The following ZNF667 variants were observed in gnomAD, a reference collection of about 807,000 sequenced individuals.
ZNF667 encodes myocardial ischemic preconditioning upregulated 1 ortholog.
In ZNF667, 13 loss-of-function variants were observed where a neutral mutation model predicts 31.8. That is an observed-to-expected ratio of 0.41 (90% CI 0.27 to 0.65). The LOEUF (loss-of-function observed/expected upper bound fraction) is 0.65. Ranked by LOEUF, ZNF667 falls within the 30% of genes least tolerant of loss-of-function variation. The pLI is 0.32. For synonymous variants in ZNF667, 228 were observed against 247.1 expected (o/e 0.92, Z 0.73); for missense variants, 642 against 725.6 (o/e 0.88, Z 1.32).
In ZNF667 at chr19:56,442,271, T is replaced by C; in HGVS notation, c.724A>G (p.Ile242Val). ...CCAACAACATGAATTTTCTGATGTA[T>C]ATTGAAAGACTGACATTGACTCAAG... ...KALSQCQSFN[I>V]HQKIHVVGNV... The change falls in exon 7 of 7, where the codon ATA becomes GTA. Residue 242 changes from isoleucine to valine, a missense_variant. By Grantham distance (29) the Ile-to-Val change is conservative. Transcript: ENST00000504904. 1.2e-6 allele frequency: 2 copies of C among 1,614,160 alleles called. No individual in the cohort carries two copies. The highest frequency in any genetic ancestry group is 8.5e-7 in the Non-Finnish European group (1 of 1,180,006).
intron 6 of ZNF667, chr19:56,444,099 T>A (rs778196795): frequency 9.6e-5 from 38 of 396,572 alleles, no homozygotes; most frequent in Admixed American, 1.8e-4. Context: ...ATATATTAGG[T>A]TAAATACATA....
chr19:56,458,313 C>G lies in ZNF667; in HGVS notation c.161-66G>C, dbSNP rs144363442. The G allele has an allele frequency of 2.7e-4, 381 of 1,408,694 alleles. 1 individual carries two copies. In the African/African-American group the frequency reaches 5.0e-3, roughly 18 times the overall value. The allele number at this position is 1,408,694 out of a possible 1,614,324, so 87.3% of individuals were successfully genotyped here. On this transcript the variant is annotated intron_variant, in intron 5 of 6. Coordinates refer to ENST00000504904, the MANE Select transcript of ZNF667 (RefSeq NM_001321356.2). ...GCACCACAGAAGTCAGAGCCACGCT[C>G]TGCATCAACAGGAATGCAGGTTTAG...
At chr19:56,449,394 G>A in intron 6 of ZNF667, 2 of 279,796 alleles carry the variant, frequency 7.1e-6, no homozygotes, top group Non-Finnish European at 1.5e-5. Flanking sequence ...TAGCTATCTT[G>A]GCCTGGCATG....
At chr19:56,453,076 T>C (rs1213555577) in intron 6 of ZNF667, among the ~76,000 whole-genome samples, 3 of 152,106 alleles carry the variant, frequency 2.0e-5, no homozygotes, top group Non-Finnish European at 4.4e-5. Flanking sequence ...CAAAGGATCA[T>C]TAGAGACTAC....
At position 56,442,398 on chromosome 19, in the gene ZNF667, G is replaced by C. The variant is rs779704135; in HGVS notation, c.597C>G (p.Ser199Arg). Residue 199 changes from serine (S) to arginine (R), a missense_variant, in exon 7 of 7, where the codon AGC (serine) becomes AGG (arginine). Physicochemically the swap from Ser to Arg is moderately radical, Grantham distance 110. Coordinates refer to ENST00000504904, the MANE Select transcript of ZNF667 (RefSeq NM_001321356.2). ...LHQRIHSGKK[S>R]HECNKCGESF... ...TTTCCCCACATTTATTGCATTCATG[G>C]CTTTTCTTTCCACTGTGAATTCTCT... is the stretch of plus-strand genomic sequence containing the variant. 5 of 1,614,068 alleles carry C rather than the reference G, an allele frequency of 3.1e-6. No homozygotes were observed. The South Asian group carries it at 5.5e-5, about 18-fold the overall frequency.
In ZNF667 at chr19:56,449,042, TACCAAAGACCACCAAGGC is replaced by T. The variant is rs564489004; in HGVS notation, c.254-6319_254-6302del. ...TAATCTAGGGAATTCTCCTGGATCT[TACCAAAGACCACCAAGGC>T]AGTACTTCTGTGAGTCTACAAGAGT... On this transcript the variant is annotated intron_variant, in intron 6 of 6. Transcript: ENST00000504904. Among the ~76,000 whole-genome samples the T allele has an allele frequency of 2.9e-3, 449 of 152,254 alleles. 1 individual carries two copies. Among genetic ancestry groups the T allele is most frequent in the Non-Finnish European group, 5.0e-3 (342 of 68,010 alleles).
intron 6 of ZNF667, among the ~76,000 whole-genome samples, chr19:56,445,978 A>G (rs558145492): frequency 1.4e-5 from 2 of 148,086 alleles, no homozygotes; most frequent in Non-Finnish European, 3.0e-5. Context: ...CCTCCCACAG[A>G]CCCCACCTCC....
At chr19:56,450,234 C>T (rs2042792129) in intron 6 of ZNF667, among the ~76,000 whole-genome samples, 1 of 151,998 alleles carries the variant, frequency 6.6e-6, no homozygotes, top group Non-Finnish European at 1.5e-5. Context: ...AGAAAAGAAA[C>T]AACATAAAAC....
chr19:56,467,360 G>A (rs2043185517), intron 3 of ZNF667, among the ~76,000 whole-genome samples: 1 of 152,160 alleles, frequency 6.6e-6, no homozygotes, highest in Non-Finnish European at 1.5e-5. Context: ...GATCTTGGGG[G>A]CGGGGGAAAT....
intron 4 of ZNF667, among the ~76,000 whole-genome samples, chr19:56,461,602 C>A (rs1007982388): frequency 1.3e-5 from 2 of 152,180 alleles, no homozygotes; most frequent in African/African-American, 4.8e-5. Context: ...ACGCCAACCA[C>A]AAAACTGCAT....
At chr19:56,460,841 T>A in intron 4 of ZNF667, 26 bp from the exon 5 acceptor site, 1 of 1,568,060 alleles carries the variant, frequency 6.4e-7, no homozygotes, top group Non-Finnish European at 8.6e-7. Flanking sequence ...AAATGTCTAT[T>A]CACCATGGAC....
chr19:56,456,463 A>G (rs1193850528), intron 6 of ZNF667, among the ~76,000 whole-genome samples: 3 of 152,278 alleles, frequency 2.0e-5, no homozygotes, highest in Admixed American at 6.5e-5. Context: ...AAATTTCACA[A>G]TTGTGAGACC....
At chr19:56,458,052 G>T in intron 6 of ZNF667, 103 bp downstream of exon 6, 1 of 1,038,790 alleles carries the variant, frequency 9.6e-7, no homozygotes, top group Non-Finnish European at 1.5e-6. Context: ...CTCCAGAACT[G>T]TGAGAAGTAG....
chr19:56,444,232 C>T, intron 6 of ZNF667: 1 of 398,518 alleles, frequency 2.5e-6, no homozygotes, highest in Non-Finnish European at 4.4e-6. Context: ...GTAGGCTGTA[C>T]AAGCATGGTG....
chr19:56,450,374 T>A (rs745309609), intron 6 of ZNF667, among the ~76,000 whole-genome samples: 2 of 152,056 alleles, frequency 1.3e-5, no homozygotes, highest in African/African-American at 2.4e-5. Flanking sequence ...CCAGTGAAAA[T>A]GCCCTTCAAA....
intron 5 of ZNF667, 94 bp downstream of exon 5, chr19:56,460,595 A>G (rs1345469137): frequency 2.1e-6 from 3 of 1,397,080 alleles, no homozygotes; most frequent in Non-Finnish European, 2.9e-6. Flanking sequence ...TTTAAAAAAG[A>G]AACTGCAGTG....
intron 6 of ZNF667, among the ~76,000 whole-genome samples, chr19:56,454,585 C>T (rs939897117): frequency 2.0e-5 from 3 of 151,342 alleles, no homozygotes; most frequent in Non-Finnish European, 3.0e-5. Context: ...GGGGAAGGGA[C>T]AGTCTCTTCA....
intron 6 of ZNF667, among the ~76,000 whole-genome samples, 175 bp from the exon 7 acceptor site, chr19:56,442,916 A>T (rs1042128110): frequency 6.6e-6 from 1 of 152,200 alleles, no homozygotes; most frequent in African/African-American, 2.4e-5. Flanking sequence ...TTACAGAGAT[A>T]TTTAATAACC....
In ZNF667 at chr19:56,451,442, A is replaced by G. The variant is rs577574766; in HGVS notation, c.253+6713T>C. On this transcript the variant is annotated intron_variant, in intron 6 of 6. Transcript: ENST00000504904. ...CCAGACAGAAAATCAACAAAGAAAC[A>G]TCGGACCTAATGGACCTAATAGATA... Among the ~76,000 whole-genome samples the G allele has an allele frequency of 4.6e-5, 7 of 152,200 alleles. No homozygotes were observed. The South Asian group carries it at 1.4e-3, about 31-fold the overall frequency.
Sources: allele counts gnomAD v4.1 joint callset (sites outside exome capture counted in the v4.1 genomes callset), GRCh38; gene constraint gnomAD v4.1.1; transcripts MANE v1.5; gene names NCBI Gene and HGNC (gene_info 2026-07-23, HGNC 2026-07-21).